MAP3K21: variants seen among roughly 807,000 people sequenced by gnomAD.
MAP3K21 encodes mitogen-activated protein kinase kinase kinase MLK4.
In MAP3K21, 63 loss-of-function variants were observed where a neutral mutation model predicts 86.1. The observed-to-expected ratio is 0.73, with a 90% CI of 0.60 to 0.90. MAP3K21 has a LOEUF of 0.90. MAP3K21 is among the 40% of genes least tolerant of loss of function. The pLI, the probability that MAP3K21 is intolerant of heterozygous loss-of-function variation, is 0.00. For missense variants in MAP3K21, 1,220 were observed against 1,367.7 expected, an observed-to-expected ratio of 0.89 and a Z score of 1.70; for synonymous variants, 558 against 564.8, an observed-to-expected ratio of 0.99 and a Z score of 0.17.
intron 5 of MAP3K21, among the ~76,000 whole-genome samples, chr1:233,364,273 T>C (rs919602231): frequency 6.6e-6 from 1 of 152,124 alleles, no homozygotes; most frequent in Admixed American, 6.5e-5. Flanking sequence ...CCATAGAGAA[T>C]AGACTATTTA....
chr1:233,376,385 G>T, intron 7 of MAP3K21, 45 bp from the exon 8 acceptor site: 4 of 1,354,332 alleles, frequency 3.0e-6, no homozygotes, highest in South Asian at 1.2e-5. Context: ...TAATTGGTGT[G>T]TTGTGTGCTT....
At position 233,328,610 on chromosome 1, in the gene MAP3K21, G is replaced by A; in HGVS notation, c.582G>A (p.Pro194=). The change falls in exon 1 of 10, where the codon CCG becomes CCA. Residue 194 remains proline, a synonymous_variant. Transcript: ENST00000366624. This position sits in a 1 kb window ranked among gnomAD's most constrained non-coding sequence, Gnocchi z 8.7. ...TGCGCGGCGTGTGCCTGCAGCAGCC[G>A]CACCTCTGCCTGGTGCTGGAGTTCG... ...IELRGVCLQQ[P]HLCLVLEFAR... 4 of 1,503,058 alleles carry A rather than the reference G, an allele frequency of 2.7e-6. No homozygotes were observed. Among genetic ancestry groups the A allele is most frequent in the Non-Finnish European group, 3.5e-6 (4 of 1,133,818 alleles). 93.1% of individuals were successfully genotyped at this position (1,503,058 alleles called of 1,614,324 possible).
intron 4 of MAP3K21, among the ~76,000 whole-genome samples, chr1:233,361,149 G>T (rs1200564490): frequency 6.6e-6 from 1 of 152,150 alleles, no homozygotes; most frequent in Non-Finnish European, 1.5e-5. Context: ...AAATAAAAAT[G>T]GGGATATAAT....
intron 1 of MAP3K21, among the ~76,000 whole-genome samples, chr1:233,345,227 T>G (rs140840564): frequency 6.6e-6 from 1 of 151,978 alleles, no homozygotes; most frequent in East Asian, 1.9e-4. Context: ...CAATCCCATT[T>G]CTGGGTATAT....
At chr1:233,360,432 A>G (rs1663445314) in intron 4 of MAP3K21, among the ~76,000 whole-genome samples, 1 of 152,222 alleles carries the variant, frequency 6.6e-6, no homozygotes, top group African/African-American at 2.4e-5. Flanking sequence ...GAAGTGATTT[A>G]AACATCATTT....
chr1:233,364,982 A>G (rs1328081439), intron 5 of MAP3K21, among the ~76,000 whole-genome samples: 1 of 152,202 alleles, frequency 6.6e-6, no homozygotes, highest in Non-Finnish European at 1.5e-5. Context: ...ACTCACACAC[A>G]TGCACGCATA....
Position 233,346,779 on chromosome 1 carries a change from A to G in MAP3K21, c.986+157A>G, listed in dbSNP as rs113333720. Among the ~76,000 whole-genome samples the G allele has an allele frequency of 3.8e-3, 582 of 152,342 alleles. 3 individuals are homozygous for G. Among genetic ancestry groups the G allele is most frequent in the African/African-American group, 0.012 (516 of 41,584 alleles). On this transcript the variant is annotated intron_variant, in intron 2 of 9. Coordinates refer to ENST00000366624, the MANE Select transcript of MAP3K21 (RefSeq NM_032435.3). ...AAAATAATTGTAATGACAACGGAAC[A>G]GATAATTTGATGTTTGCATTGTCAT...
At chr1:233,341,267 C>T (rs1000525585) in intron 1 of MAP3K21, among the ~76,000 whole-genome samples, 7 of 152,164 alleles carry the variant, frequency 4.6e-5, no homozygotes, top group African/African-American at 7.2e-5. Flanking sequence ...TGACAGGAAG[C>T]GGAAGTTGGC....
chr1:233,328,867 A>G lies in MAP3K21; in HGVS notation c.805+34A>G. 1 of 1,462,154 alleles carries G rather than the reference A, an allele frequency of 6.8e-7. No individual in the cohort carries two copies. The highest frequency in any genetic ancestry group is 1.3e-5 in the South Asian group (1 of 75,108). 90.6% of individuals were successfully genotyped at this position (1,462,154 alleles called of 1,614,324 possible). ...GGCCAGAGGGAGGTGGGGGAAGACT[A>G]CCTCCGTGCCAGCCCAGGCGGGCTC... On this transcript the variant is annotated intron_variant, in intron 1 of 9. Transcript: ENST00000366624. The surrounding 1 kb of genome is among the most constrained non-coding windows in gnomAD (Gnocchi z 8.7).
At chr1:233,329,633 G>A (rs1049303479) in intron 1 of MAP3K21, among the ~76,000 whole-genome samples, 1 of 151,684 alleles carries the variant, frequency 6.6e-6, no homozygotes, top group East Asian at 1.9e-4. Context: ...CAGCCTAGGA[G>A]ATAGAGTGAG....
chr1:233,353,765 C>G (rs756328850), intron 2 of MAP3K21, 42 bp from the exon 3 acceptor site: 2 of 1,471,988 alleles, frequency 1.4e-6, no homozygotes, highest in Non-Finnish European at 9.0e-7. Flanking sequence ...AAGGAAAAGA[C>G]ACTGTTTAGC....
At chr1:233,339,243 CTTCTTCTTCTTCTTCTTCTTCTTCCTCT>C (rs1662973063) in intron 1 of MAP3K21, among the ~76,000 whole-genome samples, 1 of 88,562 alleles carries the variant, frequency 1.1e-5, no homozygotes, top group Non-Finnish European at 2.3e-5. Context: ...TCTTCTTCTT[CTTCTTCTTCTTCTTCTTCTTCTTCCTCT>C]TCTTCTTCTT....
chr1:233,342,446 T>C (rs1293997144), intron 1 of MAP3K21, among the ~76,000 whole-genome samples: 1 of 152,232 alleles, frequency 6.6e-6, no homozygotes, highest in Admixed American at 6.5e-5. Context: ...TTTGAATTGG[T>C]GATAAGTATC....
chr1:233,382,404 A>G lies in MAP3K21; in HGVS notation c.2804A>G (p.Lys935Arg), dbSNP rs752304620. Residue 935 changes from lysine to arginine, a missense_variant, in exon 10 of 10, where the codon AAG becomes AGG. Lys to Arg is a conservative substitution (Grantham distance 26). Around this residue, in one of 5 missense-constraint regions of MAP3K21, gnomAD observed 632 missense variants for 691.3 expected, o/e 0.91. Transcript: ENST00000366624. The part of the protein sequence containing the change: ...SHLPREVSPK[K>R]HSTVHIVPQR... ...CTGCCAAGGGAGGTCTCACCCAAGA[A>G]GCACAGCACTGTCCACATCGTGCCT... The G allele has an allele frequency of 3.7e-6, 6 of 1,614,106 alleles. No homozygotes were observed. The East Asian group carries it at 1.3e-4, about 36-fold the overall frequency.
chr1:233,331,758 A>G (rs1035744629), intron 1 of MAP3K21, among the ~76,000 whole-genome samples: 13 of 152,182 alleles, frequency 8.5e-5, no homozygotes, highest in African/African-American at 3.1e-4. Flanking sequence ...ATTTTCTTTT[A>G]TCTTTTCTAG....
At chr1:233,330,389 G>C (rs576183805) in intron 1 of MAP3K21, among the ~76,000 whole-genome samples, 9 of 152,096 alleles carry the variant, frequency 5.9e-5, no homozygotes, top group Admixed American at 3.3e-4. Flanking sequence ...CTGTGTTACA[G>C]TAAAAACAGA....
At chr1:233,339,246 CTT>C (rs1558450745) in intron 1 of MAP3K21, among the ~76,000 whole-genome samples, 16 of 77,426 alleles carry the variant, frequency 2.1e-4, no homozygotes, top group Non-Finnish European at 3.0e-4. Flanking sequence ...TCTTCTTCTT[CTT>C]CTTCTTCTTC....
intron 4 of MAP3K21, among the ~76,000 whole-genome samples, chr1:233,360,332 GTAGTAAA>G (rs1218843663): frequency 1.3e-5 from 2 of 151,924 alleles, no homozygotes; most frequent in East Asian, 3.9e-4. Flanking sequence ...TTTTTTTCAA[GTAGTAAA>G]TAATAATTTA....
intron 1 of MAP3K21, among the ~76,000 whole-genome samples, chr1:233,342,652 A>G (rs1314373016): frequency 6.6e-6 from 1 of 152,236 alleles, no homozygotes; most frequent in Admixed American, 6.5e-5. Context: ...TAGGGAAGAT[A>G]AAATCATTCA....
Sources: gnomAD v4.1 joint callset for allele counts (sites outside exome capture counted in the v4.1 genomes callset) on GRCh38, gnomAD v4.1.1 for gene constraint, gnomAD v4.1.1 regional missense constraint, Gnocchi (gnomAD v3.1) non-coding constraint, MANE v1.5 for transcripts, NCBI Gene and HGNC (gene_info 2026-07-23, HGNC 2026-07-21) for gene names.